The following BAZ2B variants were observed in gnomAD, a reference collection of about 807,000 sequenced individuals.
BAZ2B encodes bromodomain adjacent to zinc finger domain protein 2B.
In BAZ2B, 91 loss-of-function variants were observed where a neutral mutation model predicts 246.0. The ratio of observed to expected loss-of-function variants is 0.37; its 90% CI spans 0.31 to 0.44. The LOEUF is 0.44. Ranked by LOEUF, BAZ2B falls within the 20% of genes least tolerant of loss-of-function variation. The pLI is 1.00. For missense variants in BAZ2B, 2,332 were observed against 2,533.7 expected (o/e 0.92, Z 1.71); for synonymous variants, 855 against 860.0 (o/e 0.99, Z 0.10).
At chr2:159,488,934 T>G (rs191041930) in intron 2 of BAZ2B, among the ~76,000 whole-genome samples, 1 of 152,220 alleles carries the variant, frequency 6.6e-6, no homozygotes, top group East Asian at 1.9e-4. Flanking sequence ...GTCACAAAAT[T>G]TCAGTAACAC....
At chr2:159,368,220 T>C (rs1463548585) in intron 27 of BAZ2B, among the ~76,000 whole-genome samples, 1 of 152,178 alleles carries the variant, frequency 6.6e-6, no homozygotes, top group Non-Finnish European at 1.5e-5. Context: ...GTCAGCCATA[T>C]ATATGTGATT....
intron 1 of BAZ2B, among the ~76,000 whole-genome samples, chr2:159,607,588 T>C (rs1031018253): frequency 8.0e-6 from 1 of 124,712 alleles, no homozygotes; most frequent in Non-Finnish European, 1.8e-5. Flanking sequence ...TGACATTTTC[T>C]TTTCCTTCTA....
intron 31 of BAZ2B, among the ~76,000 whole-genome samples, chr2:159,340,991 T>A (rs996678918): frequency 6.6e-6 from 1 of 151,740 alleles, no homozygotes; most frequent in African/African-American, 2.4e-5. Flanking sequence ...AGAAAAGCAA[T>A]CAATAAAATG....
the BAZ2B span, among the ~76,000 whole-genome samples, chr2:159,623,492 A>G: frequency 4.6e-5 from 7 of 152,240 alleles, 1 homozygote; most frequent in South Asian, 1.2e-3. Context: ...AGAAATGCAC[A>G]TGAAGAATTG....
intron 1 of BAZ2B, among the ~76,000 whole-genome samples, chr2:159,584,628 A>G (rs561294192): frequency 7.9e-5 from 12 of 152,292 alleles, no homozygotes; most frequent in African/African-American, 2.4e-4. Context: ...TATAAGTGGG[A>G]TATGAGAGGA....
At chr2:159,383,028 G>T (rs1013554969) in intron 24 of BAZ2B, among the ~76,000 whole-genome samples, 2 of 151,846 alleles carry the variant, frequency 1.3e-5, no homozygotes, top group African/African-American at 2.4e-5. Flanking sequence ...TTTGGAATTA[G>T]ACTCATTAAA....
chr2:159,642,341 C>T, the BAZ2B span, among the ~76,000 whole-genome samples: 2 of 149,686 alleles, frequency 1.3e-5, no homozygotes, highest in Non-Finnish European at 3.0e-5. Flanking sequence ...GGGTTCAAGT[C>T]ATTCTCCTGT....
the BAZ2B span, among the ~76,000 whole-genome samples, chr2:159,660,463 G>A: frequency 6.6e-6 from 1 of 152,052 alleles, no homozygotes; most frequent in Non-Finnish European, 1.5e-5. Context: ...CATTTCTCTT[G>A]AGCATATACC....
chr2:159,404,993 C>T (rs760945437), intron 15 of BAZ2B, 29 bp downstream of exon 15: 9 of 1,612,406 alleles, frequency 5.6e-6, no homozygotes, highest in African/African-American at 5.3e-5. Context: ...ACTGACTCTT[C>T]GAGTTTATGT....
At chr2:159,328,055 A>C (rs2063987547) in intron 34 of BAZ2B, among the ~76,000 whole-genome samples, 1 of 123,782 alleles carries the variant, frequency 8.1e-6, no homozygotes, top group African/African-American at 3.0e-5. Context: ...ATGGAATGAG[A>C]CTCAGCCTCA....
chr2:159,341,259 C>T (rs1301494967), intron 31 of BAZ2B, among the ~76,000 whole-genome samples: 5 of 151,858 alleles, frequency 3.3e-5, no homozygotes, highest in Non-Finnish European at 5.9e-5. Flanking sequence ...AAACAAACTT[C>T]AAGTTAAAAG....
intron 1 of BAZ2B, among the ~76,000 whole-genome samples, chr2:159,588,848 A>T (rs1164959952): frequency 1.3e-5 from 2 of 152,218 alleles, no homozygotes; most frequent in Non-Finnish European, 2.9e-5. Flanking sequence ...AAGTAAAATT[A>T]AAATTGTAGT....
intron 23 of BAZ2B, among the ~76,000 whole-genome samples, chr2:159,383,975 T>C (rs2062313794): frequency 6.6e-6 from 1 of 152,018 alleles, no homozygotes; most frequent in Non-Finnish European, 1.5e-5. Context: ...AAGACAATAT[T>C]CCAAGTTTTG....
intron 2 of BAZ2B, among the ~76,000 whole-genome samples, chr2:159,491,495 C>A (rs1189797694): frequency 6.6e-6 from 1 of 151,132 alleles, no homozygotes; most frequent in Admixed American, 6.6e-5. Context: ...CCGAGGCGGG[C>A]GGATCACGAG....
At chr2:159,337,139 A>C (rs2065813742) in intron 32 of BAZ2B, 62 bp from the exon 33 acceptor site, 4 of 1,536,960 alleles carry the variant, frequency 2.6e-6, no homozygotes, top group Non-Finnish European at 3.5e-6. Context: ...CGGAATGTGA[A>C]ACAATCATCA....
chr2:159,571,498 C>T (rs767399798), intron 1 of BAZ2B, among the ~76,000 whole-genome samples: 2 of 152,106 alleles, frequency 1.3e-5, no homozygotes, highest in Non-Finnish European at 2.9e-5. Flanking sequence ...GAGAGCTAGA[C>T]AGCATCATCA....
intron 3 of BAZ2B, chr2:159,461,734 A>G (rs2076425125): frequency 6.5e-6 from 1 of 152,722 alleles, no homozygotes; most frequent in Non-Finnish European, 1.5e-5. Context: ...GGAAGGAGAC[A>G]ATGAGAGAAG....
chr2:159,624,955 T>C, the BAZ2B span, among the ~76,000 whole-genome samples: 63 of 152,184 alleles, frequency 4.1e-4, no homozygotes, highest in Non-Finnish European at 6.5e-4. Context: ...GAGGAACTGC[T>C]AACTAGAATA....
intron 2 of BAZ2B, among the ~76,000 whole-genome samples, chr2:159,518,738 G>A (rs2083714716): frequency 6.6e-6 from 1 of 152,118 alleles, no homozygotes; most frequent in Non-Finnish European, 1.5e-5. Flanking sequence ...GAGGACATGA[G>A]AAAGATGAAA....
Sources: allele counts gnomAD v4.1 joint callset (sites outside exome capture counted in the v4.1 genomes callset), GRCh38; gene constraint gnomAD v4.1.1; transcripts MANE v1.5; gene names NCBI Gene and HGNC (gene_info 2026-07-23, HGNC 2026-07-21).